The following CTNNA3 variants were observed in gnomAD, a reference collection of about 807,000 sequenced individuals.
CTNNA3 encodes the protein catenin alpha-3.
CTNNA3 carries 76 observed loss-of-function variants against 95.7 expected under a neutral mutation model. That is an observed-to-expected ratio of 0.79 (90% confidence interval 0.66 to 0.96). The LOEUF (loss-of-function observed/expected upper bound fraction) is 0.96. Among genes scored for constraint, CTNNA3 ranks in the 40% least tolerant of loss-of-function variants. The probability of loss-of-function intolerance (pLI) is 0.00; values close to 1 mark genes in which losing one functional copy is unlikely to be tolerated. For synonymous variants in CTNNA3, 431 were observed against 374.4 expected, an observed-to-expected ratio of 1.15 and a Z score of -1.74; for missense variants, 1,191 against 1,089.8, an observed-to-expected ratio of 1.09 and a Z score of -1.31.
At chr10:66,178,757 G>A (rs1195573180) in intron 13 of CTNNA3, among the ~76,000 whole-genome samples, 3 of 151,738 alleles carry the variant, frequency 2.0e-5, no homozygotes, top group Admixed American at 2.0e-4. Context: ...AAATACATGA[G>A]CAGATAATTT....
rs557937806 is a variant in CTNNA3 at position 67,416,302 on chromosome 10, A to C, written c.579+105540T>G. 3.3e-5 allele frequency among the ~76,000 whole-genome samples: 5 copies of C among 152,192 alleles called. No homozygotes were observed. In the South Asian group the frequency reaches 1.0e-3, roughly 32 times the overall value. ...AAAAAATAAATAACAAGCAGAAAATAACCCCATTAAAAAGTGGACAAATGA... is the reference window on the plus strand; with the variant it reads ...AAAAAATAAATAACAAGCAGAAAATCACCCCATTAAAAAGTGGACAAATGA... On this transcript the variant is annotated intron_variant, in intron 5 of 17. Coordinates refer to ENST00000433211, the MANE Select transcript of CTNNA3 (RefSeq NM_013266.4).
chr10:66,955,321 A>G (rs1222395248), intron 7 of CTNNA3, among the ~76,000 whole-genome samples: 1 of 152,168 alleles, frequency 6.6e-6, no homozygotes, highest in Non-Finnish European at 1.5e-5. Flanking sequence ...TCTGAATAAT[A>G]TCTATCAATT....
At chr10:66,382,694 C>T (rs1364987242) in intron 11 of CTNNA3, among the ~76,000 whole-genome samples, 1 of 152,118 alleles carries the variant, frequency 6.6e-6, no homozygotes, top group East Asian at 1.9e-4. Context: ...GGCCAACAGA[C>T]ACCTCATATA....
intron 13 of CTNNA3, among the ~76,000 whole-genome samples, chr10:66,235,923 A>G (rs1235253648): frequency 1.3e-5 from 2 of 152,184 alleles, no homozygotes; most frequent in Non-Finnish European, 2.9e-5. Flanking sequence ...TGATTTGACT[A>G]AAAACATTTT....
chr10:67,676,468 T>A (rs894930038), intron 1 of CTNNA3, among the ~76,000 whole-genome samples: 1 of 152,186 alleles, frequency 6.6e-6, no homozygotes, highest in Non-Finnish European at 1.5e-5. Context: ...AGGTCATTAC[T>A]ATTAATTTTT....
At chr10:67,617,244 A>G (rs984920098) in intron 2 of CTNNA3, among the ~76,000 whole-genome samples, 2 of 152,208 alleles carry the variant, frequency 1.3e-5, no homozygotes, top group African/African-American at 2.4e-5. Context: ...GTTATTTTTC[A>G]TGATTCTCTC....
chr10:67,127,802 C>T (rs1054781921), intron 7 of CTNNA3, among the ~76,000 whole-genome samples: 1 of 152,084 alleles, frequency 6.6e-6, no homozygotes, highest in Non-Finnish European at 1.5e-5. Context: ...TACACTCTGA[C>T]TTAGAGTTAT....
At chr10:67,537,716 T>C (rs189698463) in intron 4 of CTNNA3, among the ~76,000 whole-genome samples, 31 of 152,296 alleles carry the variant, frequency 2.0e-4, no homozygotes, top group African/African-American at 7.2e-4. Context: ...ATAGGAATTA[T>C]TGGGTCATTG....
intron 7 of CTNNA3, among the ~76,000 whole-genome samples, chr10:67,156,837 C>G (rs985700909): frequency 6.6e-6 from 1 of 151,888 alleles, no homozygotes; most frequent in Non-Finnish European, 1.5e-5. Context: ...CTGCTGCTTC[C>G]TTATTGATAT....
At chr10:66,116,662 T>C (rs1157038777) in intron 13 of CTNNA3, among the ~76,000 whole-genome samples, 1 of 152,172 alleles carries the variant, frequency 6.6e-6, no homozygotes, top group African/African-American at 2.4e-5. Context: ...CTCACACTGC[T>C]ATGAAGAACT....
intron 11 of CTNNA3, among the ~76,000 whole-genome samples, chr10:66,461,154 G>T (rs1265567383): frequency 6.6e-6 from 1 of 152,072 alleles, no homozygotes; most frequent in East Asian, 1.9e-4. Flanking sequence ...CAAGTACAAA[G>T]TAGACATGCT....
intron 7 of CTNNA3, among the ~76,000 whole-genome samples, chr10:67,127,762 A>G (rs1188601289): frequency 6.6e-6 from 1 of 152,140 alleles, no homozygotes; most frequent in Admixed American, 6.5e-5. Context: ...TTTTTACATT[A>G]TATCTGTAAC....
In CTNNA3 at chr10:67,176,856, G is replaced by A. The variant is rs1904629; in HGVS notation, c.1047+3461C>T. On this transcript the variant is annotated intron_variant, in intron 7 of 17. Transcript: ENST00000433211. The stretch of plus-strand genomic sequence containing the variant: ...AGAGGGCCATGAGCCAAGGAATGAG[G>A]GTGACCTCTAGAAACTGGAAAAGGC... 0.11 allele frequency: 51,840 copies of A among 456,880 alleles called. 3,857 individuals are homozygous for A. The highest frequency in any genetic ancestry group is 0.27 in the African/African-American group (13,594 of 50,256). 28.3% of individuals were successfully genotyped at this position (456,880 alleles called of 1,614,324 possible). A position where few individuals can be genotyped will look rare whatever the true frequency, so the allele number is the denominator to read the frequency against.
intron 13 of CTNNA3, among the ~76,000 whole-genome samples, chr10:66,172,310 A>C (rs1429601335): frequency 6.6e-6 from 1 of 152,152 alleles, no homozygotes; most frequent in Admixed American, 6.5e-5. Flanking sequence ...AGTTTAGCAA[A>C]GCCTTTGTTT....
rs1859571812 is a variant in CTNNA3 at position 67,123,629 on chromosome 10, A to T, written c.1047+56688T>A. ...AATAAAATTCCACCTTGAAGTAACAACCTTGGAGCATTGCAAAATGTTCAA... is the reference window on the plus strand; with the variant it reads ...AATAAAATTCCACCTTGAAGTAACATCCTTGGAGCATTGCAAAATGTTCAA... On this transcript the variant is annotated intron_variant, in intron 7 of 17. Transcript: ENST00000433211. Among the ~76,000 whole-genome samples the T allele has an allele frequency of 4.6e-5, 7 of 152,324 alleles. No homozygotes were observed. The South Asian group carries it at 1.5e-3, about 32-fold the overall frequency.
chr10:67,384,551 C>A (rs1368721743), intron 5 of CTNNA3, among the ~76,000 whole-genome samples: 1 of 152,214 alleles, frequency 6.6e-6, no homozygotes, highest in East Asian at 1.9e-4. Flanking sequence ...ACACCACCCA[C>A]TAAAATAACA....
At chr10:67,232,479 C>G (rs1171453739) in intron 5 of CTNNA3, among the ~76,000 whole-genome samples, 3 of 151,978 alleles carry the variant, frequency 2.0e-5, no homozygotes, top group Non-Finnish European at 2.9e-5. Context: ...TTTGTCACCA[C>G]CAGACCTGCC....
chr10:67,749,699 A>G (rs1841394327), intron 1 of CTNNA3, among the ~76,000 whole-genome samples: 1 of 152,242 alleles, frequency 6.6e-6, no homozygotes. Context: ...AAATACCCAC[A>G]TCAGAAAGCA....
intron 11 of CTNNA3, among the ~76,000 whole-genome samples, chr10:66,380,347 C>T (rs2092827747): frequency 6.6e-6 from 1 of 152,044 alleles, no homozygotes; most frequent in Admixed American, 6.6e-5. Context: ...TGGTGGCTCA[C>T]ATCTATAATC....
Sources: gnomAD v4.1 joint callset for allele counts (sites outside exome capture counted in the v4.1 genomes callset) on GRCh38, gnomAD v4.1.1 for gene constraint, MANE v1.5 for transcripts, NCBI Gene and HGNC (gene_info 2026-07-23, HGNC 2026-07-21) for gene names.